Variants in PCDHGA10 observed in about 807,000 individuals in gnomAD.
PCDHGA10 encodes the protein protocadherin gamma-A10.
A neutral mutation model predicts 59.5 loss-of-function variants in PCDHGA10; 42 were observed. The ratio of observed to expected loss-of-function variants is 0.71; its 90% confidence interval spans 0.55 to 0.91. The LOEUF (loss-of-function observed/expected upper bound fraction) is 0.91. Among genes scored for constraint, PCDHGA10 ranks in the 40% least tolerant of loss-of-function variants. PCDHGA10 has a pLI of 0.00. For synonymous variants in PCDHGA10, 511 were observed against 517.2 expected (o/e 0.99, Z 0.16); for missense variants, 1,111 against 1,198.2 (o/e 0.93, Z 1.07).
At chr5:141,433,560 G>A (rs1276743163) in intron 1 of PCDHGA10, among the ~76,000 whole-genome samples, 1 of 152,110 alleles carries the variant, frequency 6.6e-6, no homozygotes, top group East Asian at 1.9e-4. Flanking sequence ...TTCTGGCTGG[G>A]CGCGGTGGCT....
chr5:141,441,764 C>A, intron 1 of PCDHGA10: 1 of 384,482 alleles, frequency 2.6e-6, no homozygotes, highest in South Asian at 2.1e-5. Flanking sequence ...TGAGCCTGCG[C>A]GTGTTGGTGG....
intron 1 of PCDHGA10, chr5:141,423,090 G>GT (rs2096707772): frequency 2.5e-6 from 4 of 1,613,904 alleles, no homozygotes; most frequent in African/African-American, 2.7e-5. Flanking sequence ...TCGCGGTGGG[G>GT]GAGCACACGG....
intron 1 of PCDHGA10, chr5:141,426,408 G>A (rs2096933631): frequency 1.2e-5 from 3 of 258,388 alleles, no homozygotes; most frequent in South Asian, 4.8e-5. Flanking sequence ...CAGAAGAAAC[G>A]GTCCAGGGCT....
At chr5:141,464,729 G>T (rs1412585185) in intron 1 of PCDHGA10, among the ~76,000 whole-genome samples, 1 of 151,948 alleles carries the variant, frequency 6.6e-6, no homozygotes, top group Non-Finnish European at 1.5e-5. Context: ...ATGTTTAAAA[G>T]CCAGTTTATA....
intron 1 of PCDHGA10, chr5:141,422,726 T>C: frequency 5.6e-6 from 9 of 1,605,994 alleles, no homozygotes; most frequent in African/African-American, 4.0e-5. Flanking sequence ...GTCCAGGGGG[T>C]GCCTCTGTCC....
intron 1 of PCDHGA10, chr5:141,417,503 T>G (rs1171198405): frequency 8.7e-6 from 2 of 229,844 alleles, no homozygotes; most frequent in East Asian, 1.9e-4. Context: ...GGAAAAAGAT[T>G]AAAATATTTT....
At position 141,432,069 on chromosome 5, in the gene PCDHGA10, A is replaced by G. The variant is rs572724741; in HGVS notation, c.2436+16458A>G. On this transcript the variant is annotated intron_variant, in intron 1 of 3. Transcript: ENST00000398610. The surrounding 1 kb of genome is among the most constrained non-coding windows in gnomAD (Gnocchi z 6.0). ...ACCCCGCCCCTATCCACGGAAACTC[A>G]TATCTCGCTGAACGTGGCAGACACC... 646 of 1,614,168 alleles carry G rather than the reference A, an allele frequency of 4.0e-4. 5 individuals are homozygous for G. In the South Asian group the frequency reaches 6.9e-3, roughly 17 times the overall value.
intron 1 of PCDHGA10, among the ~76,000 whole-genome samples, chr5:141,439,595 G>A (rs752771969): frequency 3.9e-5 from 6 of 152,192 alleles, no homozygotes; most frequent in Non-Finnish European, 5.9e-5. Flanking sequence ...CTGTTGGCCA[G>A]TCTGGAAACA....
chr5:141,413,483 G>A lies in PCDHGA10; in HGVS notation c.308G>A (p.Ser103Asn), dbSNP rs2095646690. Residue 103 changes from serine (S) to asparagine (N), a missense_variant, in exon 1 of 4, where the codon AGC (serine) becomes AAC (asparagine). Ser to Asn is a conservative substitution (Grantham distance 46). Coordinates refer to ENST00000398610, the MANE Select transcript of PCDHGA10 (RefSeq NM_018913.3). ...GACCGGGAGGAGCTCTGCGCTCAGA[G>A]CGCGCGGTGCGTGGTGAGTTTTAAT... The part of the protein sequence containing the change: ...RIDREELCAQ[S>N]ARCVVSFNIL... 6.2e-7 allele frequency: 1 copy of A among 1,614,080 alleles called. No homozygotes were observed. Among genetic ancestry groups the A allele is most frequent in the East Asian group, 2.2e-5 (1 of 44,882 alleles).
chr5:141,476,747 C>T lies in PCDHGA10; in HGVS notation c.2437-18060C>T. The T allele has an allele frequency of 6.2e-7, 1 of 1,614,066 alleles. No homozygotes were observed. The highest frequency in any genetic ancestry group is 8.5e-7 in the Non-Finnish European group (1 of 1,180,036). On this transcript the variant is annotated intron_variant, in intron 1 of 3. Transcript: ENST00000398610. This position sits in a 1 kb window ranked among gnomAD's most constrained non-coding sequence, Gnocchi z 7.6. The stretch of plus-strand genomic sequence containing the variant: ...GGACCGAGAACGGGAGCCTAGTCTC[C>T]AGTTAGTGCTGACGGCGTTGGACGG...
chr5:141,421,787 C>T (rs753196648), intron 1 of PCDHGA10: 8 of 1,613,694 alleles, frequency 5.0e-6, no homozygotes, highest in East Asian at 2.2e-5. Context: ...CGGGGCAGAA[C>T]GGATGGGGCC....
chr5:141,489,089 A>C lies in PCDHGA10; in HGVS notation c.2437-5718A>C. 6 of 284,452 alleles carry C rather than the reference A, an allele frequency of 2.1e-5. No individual in the cohort carries two copies. The highest frequency in any genetic ancestry group is 5.7e-5 in the East Asian group (1 of 17,568). The allele number at this position is 284,452 out of a possible 1,614,324, so 17.6% of individuals were successfully genotyped here. A position where few individuals can be genotyped will look rare whatever the true frequency, so the allele number is the denominator to read the frequency against. Reference sequence around the variant, plus strand: ...CCCTGCCCACCCCCGCCACTCGGTGACTAAGAACTGCTGCAAGCAGGCAAA... The same window carrying C: ...CCCTGCCCACCCCCGCCACTCGGTGCCTAAGAACTGCTGCAAGCAGGCAAA... On this transcript the variant is annotated intron_variant, in intron 1 of 3. Transcript: ENST00000398610. This position sits in a 1 kb window ranked among gnomAD's most constrained non-coding sequence, Gnocchi z 4.5.
chr5:141,499,731 C>T (rs2099794093), intron 2 of PCDHGA10, among the ~76,000 whole-genome samples: 1 of 138,132 alleles, frequency 7.2e-6, no homozygotes, highest in African/African-American at 2.7e-5. Context: ...GTCTCACTCT[C>T]TTGCCCAGGC....
intron 1 of PCDHGA10, among the ~76,000 whole-genome samples, chr5:141,479,962 A>G: frequency 6.6e-6 from 1 of 152,226 alleles, no homozygotes; most frequent in Non-Finnish European, 1.5e-5. Context: ...GCAGTTAGTC[A>G]AATGAGGTTC....
rs199965876 is a variant in PCDHGA10, at chr5:141,419,464, C to G, written c.2436+3853C>G. ...CCTTCGAGCTCACGCTGCAGGCCCG[C>G]GACCAGGGCTCGCCCGCGCTCAGCG... On this transcript the variant is annotated intron_variant, in intron 1 of 3. Transcript: ENST00000398610. 4 of 1,612,542 alleles carry G rather than the reference C, an allele frequency of 2.5e-6. No homozygotes were observed. In the Admixed American group the frequency reaches 6.7e-5, roughly 27 times the overall value.
intron 1 of PCDHGA10, among the ~76,000 whole-genome samples, chr5:141,434,982 A>G (rs908716553): frequency 3.3e-5 from 5 of 152,084 alleles, no homozygotes; most frequent in East Asian, 1.9e-4. Flanking sequence ...TTAATACTCT[A>G]TATCATTTTC....
chr5:141,481,445 T>C (rs760413279), intron 1 of PCDHGA10, among the ~76,000 whole-genome samples: 2 of 152,260 alleles, frequency 1.3e-5, no homozygotes, highest in Non-Finnish European at 2.9e-5. Context: ...GTTTAGTACA[T>C]GTAAATACAC....
chr5:141,420,287 A>C, intron 1 of PCDHGA10: 1 of 1,498,884 alleles, frequency 6.7e-7, no homozygotes, highest in African/African-American at 1.4e-5. Context: ...AAGTATTTAA[A>C]AATGTATTTA....
At chr5:141,423,123 A>C in intron 1 of PCDHGA10, 1 of 1,613,760 alleles carries the variant, frequency 6.2e-7, no homozygotes. Flanking sequence ...CAGCGCGGGC[A>C]CTGCTGGACA....
Sources: gnomAD v4.1 joint callset for allele counts (sites outside exome capture counted in the v4.1 genomes callset) on GRCh38, gnomAD v4.1.1 for gene constraint, Gnocchi (gnomAD v3.1) non-coding constraint, MANE v1.5 for transcripts, NCBI Gene and HGNC (gene_info 2026-07-23, HGNC 2026-07-21) for gene names.